GALNT16: variants seen among roughly 807,000 people sequenced by gnomAD.
GALNT16 encodes the protein polypeptide N-acetylgalactosaminyltransferase 16.
In GALNT16, 40 loss-of-function variants were observed where a neutral mutation model predicts 76.1. That is an observed-to-expected ratio of 0.53 (90% confidence interval 0.41 to 0.68). GALNT16 has a LOEUF of 0.68. Ranked by LOEUF, GALNT16 falls within the 30% of genes least tolerant of loss-of-function variation. The pLI is 0.00. For synonymous variants in GALNT16, 276 were observed against 285.2 expected (o/e 0.97, Z 0.32); for missense variants, 621 against 731.9 (o/e 0.85, Z 1.75).
In GALNT16 at chr14:69,341,692, G is replaced by A. The variant is rs776397071; in HGVS notation, c.1199G>A (p.Arg400Gln). 2.7e-5 allele frequency: 44 copies of A among 1,611,492 alleles called. No individual in the cohort carries two copies. Among genetic ancestry groups the A allele is most frequent in the Middle Eastern group, 3.3e-4 (2 of 6,080 alleles). ...GCCTCCTCCTACAGTGTGGCTACGC[G>A]GATAGAGCAGAGGAAGAAGATGAAC... ...IGKAFGSVATRIEQRKKMNCK... is the reference protein window; with the variant it reads ...IGKAFGSVATQIEQRKKMNCK... The change falls in exon 12 of 15, where the codon CGG (arginine) becomes CAG (glutamine). Residue 400 changes from arginine to glutamine, a missense_variant. Physicochemically the swap from Arg to Gln is conservative, Grantham distance 43. Transcript: ENST00000448469.
rs1211387942 is a variant in GALNT16 at position 69,336,401 on chromosome 14, C to T, written c.968-2250C>T. 3.3e-5 allele frequency among the ~76,000 whole-genome samples: 5 copies of T among 152,330 alleles called. No individual in the cohort carries two copies. The East Asian group carries it at 7.7e-4, about 24-fold the overall frequency. ...GGCTGGGGTTGTAGGCGTGAGCCAC[C>T]GCCCCCAGCCAGCATGGCCTCTTTG... On this transcript the variant is annotated intron_variant, in intron 9 of 14. Coordinates refer to ENST00000448469, the MANE Select transcript of GALNT16 (RefSeq NM_001168368.2).
chr14:69,377,786 G>T, the GALNT16 span, among the ~76,000 whole-genome samples: 1 of 114,544 alleles, frequency 8.7e-6, no homozygotes, highest in African/African-American at 3.2e-5. Flanking sequence ...CAGCCTGGGT[G>T]ATAGAGTGAG....
chr14:69,331,651 G>T (rs1039983860), intron 7 of GALNT16, 100 bp downstream of exon 7: 4 of 757,924 alleles, frequency 5.3e-6, no homozygotes. Flanking sequence ...AGCTGTGCCA[G>T]AGACCCTCAT....
rs367734899 is a variant in GALNT16 at position 69,274,651 on chromosome 14, G to A, written c.177+14184G>A. Among the ~76,000 whole-genome samples, 303 of 152,248 alleles carry A rather than the reference G, an allele frequency of 2.0e-3. 18 individuals carry two copies. The South Asian group carries it at 0.06, about 30-fold the overall frequency. ...CAGAGCAAGCAATCTGGGAGACCAA[G>A]GCAAATATTGCCAAGCCTTGTATAT... On this transcript the variant is annotated intron_variant, in intron 1 of 14. Coordinates refer to ENST00000448469, the MANE Select transcript of GALNT16 (RefSeq NM_001168368.2).
At chr14:69,309,725 T>G (rs2044989359) in intron 1 of GALNT16, among the ~76,000 whole-genome samples, 1 of 152,242 alleles carries the variant, frequency 6.6e-6, no homozygotes, top group South Asian at 2.1e-4. Flanking sequence ...AGAAGTTAGT[T>G]CTTTGTCATA....
At chr14:69,357,617 A>G (rs745674974), downstream of GALNT16, 6 of 152,210 alleles carry the variant, frequency 3.9e-5, no homozygotes, top group Non-Finnish European at 5.9e-5. Context: ...AGGGATACTC[A>G]TGGTGGAGGC....
the GALNT16 span, among the ~76,000 whole-genome samples, chr14:69,367,689 C>T: frequency 7.0e-6 from 1 of 143,746 alleles, no homozygotes; most frequent in Non-Finnish European, 1.5e-5. Context: ...GAATTCCATA[C>T]AGGAAGGCCA....
chr14:69,286,304 C>CTTTTT (rs35362251), intron 1 of GALNT16, among the ~76,000 whole-genome samples: 1 of 142,130 alleles, frequency 7.0e-6, no homozygotes. Flanking sequence ...TCCAAAGGCA[C>CTTTTT]TTTTTTTTTT....
At chr14:69,337,078 T>G (rs2045424713) in intron 9 of GALNT16, among the ~76,000 whole-genome samples, 1 of 152,222 alleles carries the variant, frequency 6.6e-6, no homozygotes, top group African/African-American at 2.4e-5. Flanking sequence ...TTTTTGCCCC[T>G]TATTTTATGG....
At chr14:69,365,394 T>C in the GALNT16 span, among the ~76,000 whole-genome samples, 2 of 152,236 alleles carry the variant, frequency 1.3e-5, no homozygotes, top group African/African-American at 2.4e-5. Flanking sequence ...TCTTGGTACC[T>C]GGCATTGGGT....
At chr14:69,270,926 A>G (rs111723305) in intron 1 of GALNT16, among the ~76,000 whole-genome samples, 36 of 140,560 alleles carry the variant, frequency 2.6e-4, no homozygotes, top group African/African-American at 9.9e-4. Flanking sequence ...CACAGCCCCC[A>G]CAAATACCGC....
At chr14:69,305,778 C>T (rs568010110) in intron 1 of GALNT16, among the ~76,000 whole-genome samples, 28 of 152,008 alleles carry the variant, frequency 1.8e-4, no homozygotes, top group Non-Finnish European at 2.4e-4. Flanking sequence ...AGATTTAATC[C>T]GGCTTTGTTT....
chr14:69,352,151 C>A lies in GALNT16; in HGVS notation c.1660C>A (p.Leu554Met). The change falls in exon 15 of 15, where the codon CTG becomes ATG. Residue 554 changes from leucine (L) to methionine (M), a missense_variant. Physicochemically the swap from Leu to Met is conservative, Grantham distance 15 (BLOSUM62 2). Coordinates refer to ENST00000448469, the MANE Select transcript of GALNT16 (RefSeq NM_001168368.2). ...QADAQAQQWQ[L>M]LPHT is the part of the protein sequence containing the mutation. ...TGACGCCCAGGCCCAGCAGTGGCAG[C>A]TGTTGCCACACACATGACGGTAGCC... 6.2e-7 allele frequency: 1 copy of A among 1,611,792 alleles called. No individual in the cohort carries two copies. The highest frequency in any genetic ancestry group is 2.2e-5 in the East Asian group (1 of 44,840).
intron 12 of GALNT16, among the ~76,000 whole-genome samples, chr14:69,344,714 T>A (rs1037933981): frequency 6.6e-6 from 1 of 152,184 alleles, no homozygotes; most frequent in African/African-American, 2.4e-5. Context: ...ACCTCACCTC[T>A]GAAAGCTGAT....
chr14:69,296,817 A>C (rs201468391), intron 1 of GALNT16, among the ~76,000 whole-genome samples: 7 of 57,066 alleles, frequency 1.2e-4, no homozygotes, highest in African/African-American at 3.2e-4. Flanking sequence ...AGATAGATAG[A>C]TAGATAGATA....
At chr14:69,358,049 C>T (rs951443203), downstream of GALNT16, 1 of 152,280 alleles carries the variant, frequency 6.6e-6, no homozygotes, top group Non-Finnish European at 1.5e-5. Context: ...TACTGTACTT[C>T]CCCAGGAGCC....
chr14:69,285,761 C>A (rs1044392782), intron 1 of GALNT16, among the ~76,000 whole-genome samples: 9 of 152,148 alleles, frequency 5.9e-5, no homozygotes, highest in African/African-American at 2.2e-4. Context: ...CTGAGCCCCC[C>A]TCTCCATCTG....
At chr14:69,348,431 C>A in intron 14 of GALNT16, 1 of 273,996 alleles carries the variant, frequency 3.6e-6, no homozygotes, top group South Asian at 9.1e-5. Flanking sequence ...AGCTGAGGCT[C>A]GCTGAATCTA....
chr14:69,361,193 G>A (rs549355177), downstream of GALNT16, among the ~76,000 whole-genome samples: 8 of 152,306 alleles, frequency 5.3e-5, no homozygotes, highest in Admixed American at 1.3e-4. Context: ...ACATTTTACC[G>A]TGAGTTACAT....
Sources: gnomAD v4.1 joint callset for allele counts (sites outside exome capture counted in the v4.1 genomes callset) on GRCh38, gnomAD v4.1.1 for gene constraint, MANE v1.5 for transcripts, NCBI Gene and HGNC (gene_info 2026-07-23, HGNC 2026-07-21) for gene names.